Variants in GOLGB1 observed in about 807,000 individuals in gnomAD.
GOLGB1 encodes the protein golgin B1, also known as golgin subfamily B member 1.
GOLGB1 carries 174 observed loss-of-function variants against 336.9 expected under a neutral mutation model. The ratio of observed to expected loss-of-function variants is 0.52; its 90% CI spans 0.46 to 0.59. The LOEUF (loss-of-function observed/expected upper bound fraction) is 0.59, where lower values mean the gene tolerates loss of function less well. Among genes scored for constraint, GOLGB1 ranks in the 20% least tolerant of loss-of-function variants. GOLGB1 has a pLI of 0.00. For synonymous variants in GOLGB1, 1,208 were observed against 1,289.2 expected, an observed-to-expected ratio of 0.94 and a Z score of 1.35; for missense variants, 3,331 against 3,645.3, an observed-to-expected ratio of 0.91 and a Z score of 2.22.
At chr3:121,703,977 C>G (rs962913094) in intron 10 of GOLGB1, among the ~76,000 whole-genome samples, 3 of 151,732 alleles carry the variant, frequency 2.0e-5, no homozygotes, top group African/African-American at 7.3e-5. Flanking sequence ...GTTTGAAATT[C>G]CAGAACTAAT....
rs1225002499 is a variant in GOLGB1 at position 121,692,498 on chromosome 3, C to T, written c.6866G>A (p.Gly2289Glu). The T allele has an allele frequency of 3.1e-6, 5 of 1,613,874 alleles. No homozygotes were observed. The highest frequency in any genetic ancestry group is 4.2e-6 in the Non-Finnish European group (5 of 1,179,920). Residue 2289 changes from glycine to glutamate, a missense_variant, in exon 14 of 22, where the codon GGG becomes GAG. Gly to Glu is a moderately conservative substitution (Grantham distance 98). Coordinates refer to ENST00000614479, the MANE Select transcript of GOLGB1 (RefSeq NM_001366282.2). ...CTGGGACAAAAGTTCTTTGTTTTCC[C>T]CCTGTAGAGTATCACAGACCTTCTG... Reference protein sequence around the residue: ...LQQKVCDTLQGENKELLSQLE... With the variant: ...LQQKVCDTLQEENKELLSQLE...
chr3:121,722,081 C>T (rs911821476), intron 6 of GOLGB1, among the ~76,000 whole-genome samples, 181 bp downstream of exon 6: 4 of 152,186 alleles, frequency 2.6e-5, no homozygotes, highest in Non-Finnish European at 4.4e-5. Context: ...CCTAATGACA[C>T]ACTTACCTAC....
rs1939153922 is a variant in GOLGB1 at position 121,669,306 on chromosome 3, T to C, written c.9227A>G (p.Asp3076Gly). Residue 3076 changes from aspartate to glycine, a missense_variant, in exon 18 of 22, where the codon GAT becomes GGT. Asp to Gly is a moderately conservative substitution (Grantham distance 94). Transcript: ENST00000614479. ...GTTCTCACGAAGACTCTGACTGGTA[T>C]CGCAGAGCTGAATGGAAAGGGTGTT... ...EKNTLSIQLC[D>G]TSQSLRENQQ... The C allele has an allele frequency of 6.2e-7, 1 of 1,613,712 alleles. No individual in the cohort carries two copies.
At chr3:121,727,318 ATATTTTTTTTTT>A (rs1373159180) in intron 4 of GOLGB1, among the ~76,000 whole-genome samples, 8 of 33,468 alleles carry the variant, frequency 2.4e-4, no homozygotes, top group African/African-American at 6.2e-4. Flanking sequence ...ATATATATAT[ATATTTTTTTTTT>A]TTTTTTTTTT....
rs1199136035 is a variant in GOLGB1, at chr3:121,692,207, T to G, written c.7157A>C (p.Glu2386Ala). ...AGAAAGCAGGCTTATAATCTTTTGC[T>G]CTTTCATATTTATTTCTTCATGCAG... ...SRLHEEINMK[E>A]QKIISLLSGK... The change falls in exon 14 of 22, where the codon GAG (glutamate) becomes GCG (alanine). Residue 2386 changes from glutamate to alanine, a missense_variant. By Grantham distance (107) the Glu-to-Ala change is moderately radical. Transcript: ENST00000614479. The G allele has an allele frequency of 6.3e-7, 1 of 1,598,858 alleles. No individual in the cohort carries two copies. The highest frequency in any genetic ancestry group is 8.5e-7 in the Non-Finnish European group (1 of 1,175,722).
At chr3:121,677,205 A>AC (rs1408856590) in intron 16 of GOLGB1, 80 bp downstream of exon 16, 2 of 1,322,122 alleles carry the variant, frequency 1.5e-6, no homozygotes, top group African/African-American at 3.0e-5. Context: ...AGCGTCTTAA[A>AC]AAAAAAACAA....
At chr3:121,740,875 C>T (rs1245441237) in intron 1 of GOLGB1, among the ~76,000 whole-genome samples, 1 of 151,508 alleles carries the variant, frequency 6.6e-6, no homozygotes, top group Non-Finnish European at 1.5e-5. Flanking sequence ...CTTGAAAGAG[C>T]CCACAATGTA....
chr3:121,684,076 C>A (rs1941424490), intron 14 of GOLGB1, among the ~76,000 whole-genome samples: 1 of 122,948 alleles, frequency 8.1e-6, no homozygotes, highest in Non-Finnish European at 1.6e-5. Flanking sequence ...TGCAGTAAGC[C>A]AAGATCATGC....
chr3:121,670,694 C>T (rs1228265845), intron 17 of GOLGB1, among the ~76,000 whole-genome samples: 1 of 136,410 alleles, frequency 7.3e-6, no homozygotes. Flanking sequence ...TATCTACTAT[C>T]TGATGGTGTC....
Position 121,692,144 on chromosome 3 carries a change from A to G in GOLGB1, c.7220T>C (p.Leu2407Pro), listed in dbSNP as rs912673141. ...AATTTCTTTATCATGTTGCTGACGC[A>G]GTTCAGCAATAGCTACTTGGATTGC... The part of the protein sequence containing the change: ...EEAIQVAIAE[L>P]RQQHDKEIKE... The change falls in exon 14 of 22, where the codon CTG (leucine) becomes CCG (proline). Residue 2407 changes from leucine to proline, a missense_variant. Physicochemically the swap from Leu to Pro is moderately conservative, Grantham distance 98. Coordinates refer to ENST00000614479, the MANE Select transcript of GOLGB1 (RefSeq NM_001366282.2). The G allele has an allele frequency of 3.1e-6, 5 of 1,611,436 alleles. No homozygotes were observed. In the African/African-American group the frequency reaches 5.4e-5, roughly 17 times the overall value.
intron 17 of GOLGB1, among the ~76,000 whole-genome samples, chr3:121,671,917 T>C (rs1029095161): frequency 1.3e-5 from 2 of 152,184 alleles, no homozygotes; most frequent in Non-Finnish European, 2.9e-5. Flanking sequence ...GTTCTTGGCT[T>C]ATTTCACTTA....
chr3:121,672,462 C>T (rs1939680300), intron 17 of GOLGB1, among the ~76,000 whole-genome samples: 1 of 152,122 alleles, frequency 6.6e-6, no homozygotes, highest in Non-Finnish European at 1.5e-5. Context: ...CTTTTGCCCA[C>T]TTTTAAGTTG....
In GOLGB1 at chr3:121,719,628, C is replaced by A. The variant is rs72955399; in HGVS notation, c.771+18G>T. 1 of 1,586,236 alleles carries A rather than the reference C, an allele frequency of 6.3e-7. No homozygotes were observed. Among genetic ancestry groups the A allele is most frequent in the Non-Finnish European group, 8.6e-7 (1 of 1,165,708 alleles). ...TTAACCAAAATGACAGTCATTCTAC[C>A]GAGTTTTAGCAACACACCTGTTGCA... On this transcript the variant is annotated intron_variant, in intron 7 of 21. Coordinates refer to ENST00000614479, the MANE Select transcript of GOLGB1 (RefSeq NM_001366282.2).
At chr3:121,716,442 C>T (rs183125420) in intron 9 of GOLGB1, among the ~76,000 whole-genome samples, 85 of 152,270 alleles carry the variant, frequency 5.6e-4, no homozygotes, top group Non-Finnish European at 9.3e-4. Flanking sequence ...AAATCCTTCT[C>T]GTTTCAGTCA....
chr3:121,727,215 G>A (rs1054694984), intron 4 of GOLGB1, among the ~76,000 whole-genome samples, 174 bp from the exon 5 acceptor site: 1 of 140,568 alleles, frequency 7.1e-6, no homozygotes, highest in African/African-American at 2.6e-5. Flanking sequence ...TCCAGTTTTT[G>A]TATGGCCAAG....
chr3:121,714,767 A>T, intron 10 of GOLGB1, 94 bp downstream of exon 10: 2 of 844,700 alleles, frequency 2.4e-6, no homozygotes, highest in Non-Finnish European at 4.0e-6. Context: ...GAAGGTTTAT[A>T]TAGCTCTCTG....
chr3:121,742,721 T>C (rs1946964735), intron 1 of GOLGB1, among the ~76,000 whole-genome samples: 1 of 152,214 alleles, frequency 6.6e-6, no homozygotes, highest in African/African-American at 2.4e-5. Context: ...ACTACCCATC[T>C]GACAAAGGGC....
intron 15 of GOLGB1, among the ~76,000 whole-genome samples, chr3:121,679,110 T>TA (rs1940766458): frequency 6.6e-6 from 1 of 152,146 alleles, no homozygotes; most frequent in Non-Finnish European, 1.5e-5. Context: ...CAAAATAAAA[T>TA]AGACACATTT....
At chr3:121,730,087 T>C in intron 2 of GOLGB1, 70 bp from the exon 3 acceptor site, 1 of 1,029,830 alleles carries the variant, frequency 9.7e-7, no homozygotes, top group Admixed American at 2.4e-5. Context: ...AGTTTCTTCA[T>C]TCCAACTTTT....
Sources: allele counts gnomAD v4.1 joint callset (sites outside exome capture counted in the v4.1 genomes callset), GRCh38; gene constraint gnomAD v4.1.1; transcripts MANE v1.5; gene names NCBI Gene and HGNC (gene_info 2026-07-23, HGNC 2026-07-21).